The following HECW2 variants were observed in gnomAD, a reference collection of about 807,000 sequenced individuals.
HECW2 encodes the protein HECT, C2 and WW domain containing E3 ubiquitin protein ligase 2, also known as E3 ubiquitin-protein ligase HECW2.
Under a neutral mutation model 175.2 loss-of-function variants are expected in HECW2, and 61 were observed. The observed-to-expected ratio is 0.35, with a 90% CI of 0.28 to 0.43. The LOEUF is 0.43. HECW2 is among the 20% of genes least tolerant of loss of function. HECW2 has a pLI of 1.00. For synonymous variants in HECW2, 671 were observed against 731.0 expected (o/e 0.92, Z 1.32); for missense variants, 1,524 against 2,000.5 (o/e 0.76, Z 4.54).
At chr2:196,569,371 C>CTAAAATAAACTAAAA (rs1690299333) in intron 1 of HECW2, among the ~76,000 whole-genome samples, 2 of 144,208 alleles carry the variant, frequency 1.4e-5, no homozygotes, top group African/African-American at 5.7e-5. Flanking sequence ...CTAAACTAAA[C>CTAAAATAAACTAAAA]TAAAATAAAA....
chr2:196,457,648 G>A (rs767458616), intron 1 of HECW2, among the ~76,000 whole-genome samples: 1 of 152,026 alleles, frequency 6.6e-6, no homozygotes, highest in Non-Finnish European at 1.5e-5. Context: ...CAACCACACT[G>A]GTCCTTTATA....
chr2:196,271,374 A>G, intron 16 of HECW2, 85 bp from the exon 17 acceptor site: 1 of 941,164 alleles, frequency 1.1e-6, no homozygotes, highest in East Asian at 2.7e-5. Context: ...TGTGTGCCCC[A>G]CCGGGTTCAA....
chr2:196,575,555 T>C (rs925327834), intron 1 of HECW2, among the ~76,000 whole-genome samples: 6 of 152,192 alleles, frequency 3.9e-5, no homozygotes, highest in Non-Finnish European at 7.3e-5. Flanking sequence ...ATGGTGTATG[T>C]ATATAGATAT....
chr2:196,230,896 G>A (rs1000011321), intron 21 of HECW2, among the ~76,000 whole-genome samples: 1 of 151,940 alleles, frequency 6.6e-6, no homozygotes, highest in Non-Finnish European at 1.5e-5. Flanking sequence ...GAGGTCAGGA[G>A]ATTGAGACCA....
rs551675011 is a variant in HECW2, at chr2:196,535,208, A to C, written c.-36+58300T>G. Among the ~76,000 whole-genome samples, 13 of 152,346 alleles carry C rather than the reference A, an allele frequency of 8.5e-5. No individual in the cohort carries two copies. In the East Asian group the frequency reaches 1.7e-3, roughly 20 times the overall value. ...TGTGAAAATCAGTGCTGTATTCATAAAGCTGGCAAAGACTCCAAATGAAGA... is the reference window on the plus strand; with the variant it reads ...TGTGAAAATCAGTGCTGTATTCATACAGCTGGCAAAGACTCCAAATGAAGA... On this transcript the variant is annotated intron_variant, in intron 1 of 28. Transcript: ENST00000644978.
chr2:196,432,724 T>C (rs1018750752), intron 2 of HECW2, among the ~76,000 whole-genome samples: 1 of 151,924 alleles, frequency 6.6e-6, no homozygotes, highest in African/African-American at 2.4e-5. Flanking sequence ...AATACAGAGC[T>C]TTTAAAATAT....
chr2:196,446,289 C>T (rs1696183843), intron 1 of HECW2, among the ~76,000 whole-genome samples: 1 of 152,180 alleles, frequency 6.6e-6, no homozygotes, highest in South Asian at 2.1e-4. Context: ...CAAATGGCAG[C>T]CTCTCAGAGG....
chr2:196,442,176 G>A (rs1032487745), intron 1 of HECW2, among the ~76,000 whole-genome samples: 4 of 151,398 alleles, frequency 2.6e-5, no homozygotes, highest in East Asian at 1.9e-4. Flanking sequence ...TTATTTAAAC[G>A]CAGTGAGATT....
At chr2:196,348,973 T>C (rs1047004588) in intron 2 of HECW2, among the ~76,000 whole-genome samples, 1 of 152,222 alleles carries the variant, frequency 6.6e-6, no homozygotes, top group Non-Finnish European at 1.5e-5. Flanking sequence ...TGATCTCCCT[T>C]GATTTCTCCA....
At chr2:196,522,793 A>G (rs1222126127) in intron 1 of HECW2, among the ~76,000 whole-genome samples, 1 of 151,558 alleles carries the variant, frequency 6.6e-6, no homozygotes, top group African/African-American at 2.4e-5. Context: ...AGTTGTAGAT[A>G]TGCGGCGTTA....
chr2:196,532,109 C>A (rs1688858061), intron 1 of HECW2, among the ~76,000 whole-genome samples: 2 of 152,272 alleles, frequency 1.3e-5, no homozygotes, highest in African/African-American at 4.8e-5. Flanking sequence ...ACCATTTGAC[C>A]CAGCAATCCC....
intron 2 of HECW2, among the ~76,000 whole-genome samples, chr2:196,378,062 T>A (rs147805618): frequency 1.3e-5 from 2 of 152,336 alleles, no homozygotes; most frequent in East Asian, 1.9e-4. Context: ...AAATCACAAC[T>A]GTCTCCTCTT....
chr2:196,242,077 G>T lies in HECW2; in HGVS notation c.3650+7C>A. 2 of 1,613,558 alleles carry T rather than the reference G, an allele frequency of 1.2e-6. No homozygotes were observed. Among genetic ancestry groups the T allele is most frequent in the African/African-American group, 2.7e-5 (2 of 75,012 alleles). On this transcript the variant is annotated splice_region_variant and intron_variant, in intron 20 of 28. Coordinates refer to ENST00000644978, the MANE Select transcript of HECW2 (RefSeq NM_001348768.2). ...TACATTATGTGGTTTGTGTCACTTT[G>T]ACTTACTTTAACTTCCCTGGGCCTT...
chr2:196,528,271 C>A (rs904624510), intron 1 of HECW2, among the ~76,000 whole-genome samples: 2 of 152,128 alleles, frequency 1.3e-5, no homozygotes, highest in Non-Finnish European at 2.9e-5. Flanking sequence ...TATATAAACG[C>A]ATTACCAAGC....
intron 25 of HECW2, among the ~76,000 whole-genome samples, chr2:196,220,481 C>A (rs1687626610): frequency 6.6e-6 from 1 of 152,160 alleles, no homozygotes; most frequent in Admixed American, 6.5e-5. Context: ...ATAATTATTT[C>A]ACATAGCAAG....
intron 21 of HECW2, among the ~76,000 whole-genome samples, chr2:196,230,186 A>C (rs1687999368): frequency 6.6e-6 from 1 of 152,156 alleles, no homozygotes; most frequent in Admixed American, 6.5e-5. Flanking sequence ...CCAAAGCAGT[A>C]CCCTGGCTGC....
chr2:196,322,761 TG>T, intron 6 of HECW2, 141 bp from the exon 7 acceptor site: 4 of 682,048 alleles, frequency 5.9e-6, no homozygotes, highest in Non-Finnish European at 9.5e-6. Context: ...CTGCAGCTAT[TG>T]TCAATCCTTT....
intron 14 of HECW2, among the ~76,000 whole-genome samples, chr2:196,281,076 G>T (rs764971981): frequency 6.6e-6 from 1 of 152,074 alleles, no homozygotes; most frequent in Non-Finnish European, 1.5e-5. Context: ...AAGACAAATG[G>T]GTGTCTACAT....
chr2:196,257,827 G>A lies in HECW2; in HGVS notation c.3415C>T (p.Leu1139=), dbSNP rs746077328. ...GAGTGAGTGTTACGTATGTACCTCA[G>A]CAACATAACAAGGTCTGCATCGCTT... ...LSSDADLVML[L]SLFEEEIMSY... Residue 1139 remains leucine (L), a synonymous_variant, in exon 18 of 29, where the codon CTG becomes TTG. Coordinates refer to ENST00000644978, the MANE Select transcript of HECW2 (RefSeq NM_001348768.2). 51 of 1,610,636 alleles carry A rather than the reference G, an allele frequency of 3.2e-5. No homozygotes were observed. Among genetic ancestry groups the A allele is most frequent in the Non-Finnish European group, 4.3e-5 (51 of 1,176,854 alleles).
Sources: allele counts gnomAD v4.1 joint callset (sites outside exome capture counted in the v4.1 genomes callset), GRCh38; gene constraint gnomAD v4.1.1; transcripts MANE v1.5; gene names NCBI Gene and HGNC (gene_info 2026-07-23, HGNC 2026-07-21).